The following LRRC39 variants were observed in gnomAD, a reference collection of about 807,000 sequenced individuals.
LRRC39 encodes the protein leucine-rich repeat-containing protein 39.
Under a neutral mutation model 39.7 loss-of-function variants are expected in LRRC39, and 35 were observed. That is an observed-to-expected ratio of 0.88 (90% confidence interval 0.67 to 1.17). The LOEUF (loss-of-function observed/expected upper bound fraction) is 1.17, where lower values mean the gene tolerates loss of function less well. Among genes scored for constraint, LRRC39 ranks in the 50% most tolerant of loss-of-function variants. The pLI is 0.00. For synonymous variants in LRRC39, 113 were observed against 134.1 expected, an observed-to-expected ratio of 0.84 and a Z score of 1.09; for missense variants, 357 against 385.8, an observed-to-expected ratio of 0.93 and a Z score of 0.62.
chr1:100,179,431 A>G (rs1341734076), upstream of LRRC39, among the ~76,000 whole-genome samples: 1 of 135,420 alleles, frequency 7.4e-6, no homozygotes, highest in African/African-American at 2.7e-5. Context: ...AGAGGCCAAG[A>G]TGGTAGGATC....
At chr1:100,175,814 T>A (rs1659918941) in intron 1 of LRRC39, among the ~76,000 whole-genome samples, 1 of 152,154 alleles carries the variant, frequency 6.6e-6, no homozygotes, top group Non-Finnish European at 1.5e-5. Flanking sequence ...TGCTCCACCT[T>A]AATAAAAACA....
intron 2 of LRRC39, among the ~76,000 whole-genome samples, chr1:100,172,694 C>A (rs1296368463): frequency 1.3e-5 from 2 of 152,024 alleles, no homozygotes; most frequent in Non-Finnish European, 2.9e-5. Flanking sequence ...GGCGCGGTGG[C>A]TCATACCTGT....
At chr1:100,175,533 T>A (rs997033573) in intron 1 of LRRC39, among the ~76,000 whole-genome samples, 1 of 152,096 alleles carries the variant, frequency 6.6e-6, no homozygotes, top group Admixed American at 6.6e-5. Context: ...CACAGATTGA[T>A]AAAGTGGACT....
chr1:100,172,371 A>G (rs1342390383), intron 2 of LRRC39, among the ~76,000 whole-genome samples: 1 of 152,166 alleles, frequency 6.6e-6, no homozygotes, highest in Admixed American at 6.5e-5. Flanking sequence ...ATACTGGCAA[A>G]CCATATCTGG....
At chr1:100,158,920 T>C (rs957356218) in intron 5 of LRRC39, among the ~76,000 whole-genome samples, 2 of 152,182 alleles carry the variant, frequency 1.3e-5, no homozygotes, top group African/African-American at 2.4e-5. Context: ...AATTTTCTAT[T>C]TGGATTTTTT....
chr1:100,158,322 A>G lies in LRRC39; in HGVS notation c.422T>C (p.Ile141Thr). ...ACTTAGTTCCTTGGGGACAGTCTTGATTTTGTTGTAGCTGAGAATCAGTTC... is the reference window on the plus strand; with the variant it reads ...ACTTAGTTCCTTGGGGACAGTCTTGGTTTTGTTGTAGCTGAGAATCAGTTC... ...LQELILSYNK[I>T]KTVPKELSNC... The change falls in exon 6 of 10, where the codon ATC becomes ACC. Residue 141 changes from isoleucine (I) to threonine (T), a missense_variant. Ile to Thr is a moderately conservative substitution (Grantham distance 89). Coordinates refer to ENST00000370137, the MANE Select transcript of LRRC39 (RefSeq NM_144620.4). 6.2e-7 allele frequency: 1 copy of G among 1,614,004 alleles called. No homozygotes were observed. The highest frequency in any genetic ancestry group is 8.5e-7 in the Non-Finnish European group (1 of 1,179,936).
At chr1:100,156,103 C>G (rs1658423474) in intron 7 of LRRC39, 69 bp downstream of exon 7, 1 of 1,463,372 alleles carries the variant, frequency 6.8e-7, no homozygotes, top group East Asian at 2.3e-5. Context: ...TCCCATTTGT[C>G]TTGCTTGGTT....
upstream of LRRC39, among the ~76,000 whole-genome samples, chr1:100,178,789 A>G (rs1448065014): frequency 6.6e-6 from 1 of 152,168 alleles, no homozygotes; most frequent in African/African-American, 2.4e-5. Context: ...TGCACATGGA[A>G]CAGAATTCAA....
chr1:100,150,760 C>A (rs141642245), intron 9 of LRRC39, among the ~76,000 whole-genome samples: 1 of 152,124 alleles, frequency 6.6e-6, no homozygotes, highest in Non-Finnish European at 1.5e-5. Context: ...TTTTCAGATT[C>A]AACAAACCTC....
rs371674606 is a variant in LRRC39, at chr1:100,149,148, TTAA to T, written c.953-54_953-52del. 2.2e-3 allele frequency: 3,503 copies of T among 1,563,864 alleles called. 7 individuals carry two copies. Among genetic ancestry groups the T allele is most frequent in the Middle Eastern group, 8.4e-3 (46 of 5,450 alleles). On this transcript the variant is annotated intron_variant, in intron 9 of 9. Transcript: ENST00000370137. ...CATAATTAGCGTATTTCTGTTTGTA[TTAA>T]TTTTGGAAATTTATCTTCCTTTGAT...
intron 8 of LRRC39, among the ~76,000 whole-genome samples, chr1:100,153,159 C>T (rs958758090): frequency 3.9e-5 from 6 of 152,188 alleles, no homozygotes; most frequent in Non-Finnish European, 7.3e-5. Context: ...ATTGTGTCTT[C>T]ACCACCCAGT....
At position 100,148,817 on chromosome 1, in the gene LRRC39, T is replaced by A. The variant is rs768404848; in HGVS notation, c.*225A>T. ...ATTCTTCATCACCAGAAACAACTGC[T>A]TAATGGAAAAGAAATTTGAGCATCA... On this transcript the variant is annotated 3_prime_UTR_variant, in exon 10 of 10. Transcript: ENST00000370137. 1 of 1,457,618 alleles carries A rather than the reference T, an allele frequency of 6.9e-7. No homozygotes were observed. Among genetic ancestry groups the A allele is most frequent in the South Asian group, 1.6e-5 (1 of 61,124 alleles). 90.3% of individuals were successfully genotyped at this position (1,457,618 alleles called of 1,614,324 possible). A position where few individuals can be genotyped will look rare whatever the true frequency, so the allele number is the denominator to read the frequency against.
Position 100,160,457 on chromosome 1 carries a change from A to G in LRRC39, c.219+9T>C. On this transcript the variant is annotated intron_variant, in intron 4 of 9. Transcript: ENST00000370137. Reference sequence around the variant, plus strand: ...AATGTGGAAAATCAAATATTCTATAAAAGCTTACCTTCCATTCCTCTTTTT... The same window carrying G: ...AATGTGGAAAATCAAATATTCTATAGAAGCTTACCTTCCATTCCTCTTTTT... 6.2e-7 allele frequency: 1 copy of G among 1,607,086 alleles called. No homozygotes were observed. Among genetic ancestry groups the G allele is most frequent in the African/African-American group, 1.3e-5 (1 of 74,724 alleles).
intron 9 of LRRC39, among the ~76,000 whole-genome samples, chr1:100,150,849 C>T (rs1557920620): frequency 1.3e-5 from 2 of 152,078 alleles, no homozygotes. Flanking sequence ...TGCTAAGGGC[C>T]AGGTGTGGTG....
chr1:100,152,857 G>A (rs1013497265), intron 8 of LRRC39, among the ~76,000 whole-genome samples: 4 of 152,174 alleles, frequency 2.6e-5, no homozygotes, highest in Non-Finnish European at 4.4e-5. Flanking sequence ...CTCCCAAGTA[G>A]CTGGGACTAG....
chr1:100,152,673 C>A (rs76661025), intron 8 of LRRC39, 149 bp from the exon 9 acceptor site: 1 of 748,160 alleles, frequency 1.3e-6, no homozygotes. Flanking sequence ...TGATATATCT[C>A]AAGAATCTTA....
At chr1:100,172,401 T>C (rs535544280) in intron 2 of LRRC39, among the ~76,000 whole-genome samples, 31 of 152,136 alleles carry the variant, frequency 2.0e-4, no homozygotes, top group African/African-American at 7.5e-4. Flanking sequence ...AAAAAGAAAA[T>C]ACTGGCCAGG....
At chr1:100,177,317 T>C (rs1018762204) in intron 1 of LRRC39, among the ~76,000 whole-genome samples, 31 of 152,354 alleles carry the variant, frequency 2.0e-4, no homozygotes, top group Non-Finnish European at 2.5e-4. Context: ...TATTAACCTC[T>C]TCTAAATTAT....
intron 3 of LRRC39, 73 bp downstream of exon 3, chr1:100,168,331 A>C: frequency 9.1e-7 from 1 of 1,093,234 alleles, no homozygotes; most frequent in Non-Finnish European, 1.3e-6. Flanking sequence ...CAAGGCATTT[A>C]GAATGCTCTT....
Sources: allele counts gnomAD v4.1 joint callset (sites outside exome capture counted in the v4.1 genomes callset), GRCh38; gene constraint gnomAD v4.1.1; transcripts MANE v1.5; gene names NCBI Gene and HGNC (gene_info 2026-07-23, HGNC 2026-07-21).